Variants in ZNF438 observed in about 807,000 individuals in gnomAD.
The protein encoded by ZNF438 is zinc finger protein 438.
Under a neutral mutation model 38.0 loss-of-function variants are expected in ZNF438, and 25 were observed. The ratio of observed to expected loss-of-function variants is 0.66; its 90% confidence interval spans 0.48 to 0.92. The LOEUF is 0.92. ZNF438 is among the 40% of genes least tolerant of loss of function. ZNF438 has a pLI of 0.00. For missense variants in ZNF438, 1,007 were observed against 999.6 expected (o/e 1.01, Z -0.10); for synonymous variants, 372 against 364.1 (o/e 1.02, Z -0.25).
intron 2 of ZNF438, among the ~76,000 whole-genome samples, chr10:30,924,034 A>T (rs977988376): frequency 6.6e-6 from 1 of 152,238 alleles, no homozygotes; most frequent in Non-Finnish European, 1.5e-5. Flanking sequence ...AATTTCTACA[A>T]AAGTTATTTG....
chr10:30,942,810 A>G (rs1463850218), intron 1 of ZNF438, among the ~76,000 whole-genome samples: 1 of 152,236 alleles, frequency 6.6e-6, no homozygotes, highest in Non-Finnish European at 1.5e-5. Flanking sequence ...CACTAAGTCA[A>G]TAGAACAGTT....
chr10:30,961,844 C>T (rs571911312), intron 1 of ZNF438, among the ~76,000 whole-genome samples: 1 of 142,266 alleles, frequency 7.0e-6, no homozygotes, highest in East Asian at 2.0e-4. Context: ...GCCGAGATTG[C>T]ACCACTGCTC....
At chr10:30,920,786 G>C (rs1015174202) in intron 2 of ZNF438, 1 of 152,164 alleles carries the variant, frequency 6.6e-6, no homozygotes, top group South Asian at 2.1e-4. Flanking sequence ...AGAAATAGCC[G>C]AGTGTAGCCA....
intron 1 of ZNF438, among the ~76,000 whole-genome samples, chr10:31,028,223 C>G (rs938369067): frequency 3.2e-4 from 48 of 152,046 alleles, no homozygotes; most frequent in African/African-American, 1.1e-3. Flanking sequence ...TGGCATGACA[C>G]ACTTAAACCG....
chr10:30,949,020 A>C (rs532146046), intron 1 of ZNF438, among the ~76,000 whole-genome samples: 1,857 of 152,232 alleles, frequency 0.012, 43 homozygotes, highest in African/African-American at 0.041. Flanking sequence ...GTTACCCTCA[A>C]AGGGAAGCCC....
intron 4 of ZNF438, among the ~76,000 whole-genome samples, chr10:30,857,502 G>A (rs913430825): frequency 5.3e-5 from 8 of 152,160 alleles, no homozygotes; most frequent in African/African-American, 9.6e-5. Flanking sequence ...TGATCCACCC[G>A]CCTTGGCCTC....
intron 1 of ZNF438, among the ~76,000 whole-genome samples, chr10:30,953,639 T>TAAA (rs745937767): frequency 1.7e-5 from 2 of 118,308 alleles, no homozygotes; most frequent in African/African-American, 3.3e-5. Context: ...AATATAATAA[T>TAAA]AAAAAAAAAA....
intron 1 of ZNF438, among the ~76,000 whole-genome samples, chr10:30,983,150 G>C (rs969225185): frequency 5.9e-5 from 9 of 152,132 alleles, no homozygotes; most frequent in African/African-American, 1.9e-4. Flanking sequence ...TTACACAAAA[G>C]GACCAAAGAA....
At chr10:31,030,678 C>A (rs1302256817) in intron 1 of ZNF438, among the ~76,000 whole-genome samples, 1 of 152,222 alleles carries the variant, frequency 6.6e-6, no homozygotes, top group African/African-American at 2.4e-5. Context: ...AAAGATATCA[C>A]ACTCCTGAAA....
chr10:30,975,061 G>GA lies in ZNF438; in HGVS notation c.-191-33411dup, dbSNP rs1056405630. ...AGCTACATAATCATCCACTAAAAAA[G>GA]AAAAAAAAATTAAAGAGAAGCCTTC... On this transcript the variant is annotated intron_variant, in intron 1 of 5. Coordinates refer to ENST00000413025, the Ensembl canonical transcript of ZNF438. Among the ~76,000 whole-genome samples, 8 of 150,620 alleles carry GA rather than the reference G, an allele frequency of 5.3e-5. No homozygotes were observed. In the East Asian group the frequency reaches 5.8e-4, roughly 11 times the overall value.
At chr10:30,862,397 G>A (rs541807908) in intron 4 of ZNF438, among the ~76,000 whole-genome samples, 1 of 152,184 alleles carries the variant, frequency 6.6e-6, no homozygotes, top group South Asian at 2.1e-4. Context: ...CAAACTCCTG[G>A]GTTCAAGTGA....
intron 1 of ZNF438, among the ~76,000 whole-genome samples, chr10:30,946,595 T>C (rs902814931): frequency 6.6e-6 from 1 of 152,250 alleles, no homozygotes; most frequent in South Asian, 2.1e-4. Flanking sequence ...CATGACTCTT[T>C]TACTTTTAAC....
chr10:30,976,848 A>G (rs924737239), intron 1 of ZNF438, among the ~76,000 whole-genome samples: 7 of 152,178 alleles, frequency 4.6e-5, no homozygotes, highest in Non-Finnish European at 1.0e-4. Context: ...CAAAATAAAA[A>G]CTTATAGAAC....
At chr10:30,922,264 T>C (rs2044385092) in intron 2 of ZNF438, among the ~76,000 whole-genome samples, 1 of 152,206 alleles carries the variant, frequency 6.6e-6, no homozygotes, top group African/African-American at 2.4e-5. Flanking sequence ...AGGCAACACA[T>C]GGTAAGGCTC....
intron 1 of ZNF438, among the ~76,000 whole-genome samples, chr10:30,961,893 A>C (rs2049533286): frequency 8.9e-6 from 1 of 112,678 alleles, no homozygotes; most frequent in Non-Finnish European, 2.0e-5. Flanking sequence ...ATCCCAAAAG[A>C]AAAAAAAAAA....
chr10:30,872,627 G>A (rs1455585540), intron 4 of ZNF438, among the ~76,000 whole-genome samples: 1 of 150,456 alleles, frequency 6.6e-6, no homozygotes, highest in African/African-American at 2.4e-5. Context: ...GCAGGCACCT[G>A]TAGTCCCAGC....
At chr10:30,947,747 G>T (rs905668510) in intron 1 of ZNF438, among the ~76,000 whole-genome samples, 1 of 152,156 alleles carries the variant, frequency 6.6e-6, no homozygotes, top group Non-Finnish European at 1.5e-5. Flanking sequence ...TTTTAAGCCC[G>T]TCGGAAAAGC....
intron 3 of ZNF438, among the ~76,000 whole-genome samples, chr10:30,890,541 G>A: frequency 6.6e-6 from 1 of 152,036 alleles, no homozygotes; most frequent in East Asian, 1.9e-4. Flanking sequence ...TTGCTCTATG[G>A]GCACCTTTAC....
Position 30,953,095 on chromosome 10 carries a change from C to A in ZNF438, c.-191-11444G>T, listed in dbSNP as rs1251152603. Among the ~76,000 whole-genome samples the A allele has an allele frequency of 2.0e-3, 280 of 138,990 alleles. 3 individuals carry two copies. Among genetic ancestry groups the A allele is most frequent in the Non-Finnish European group, 1.9e-3 (126 of 64,694 alleles). The allele number at this position is 138,990 out of a possible 152,430, so 91.2% of individuals were successfully genotyped here. A position where few individuals can be genotyped will look rare whatever the true frequency, so the allele number is the denominator to read the frequency against. ...CCATAAAAAATGATGAGTTCACGTC[C>A]TTTGTAGGGACATGGATGAAATTGG... On this transcript the variant is annotated intron_variant, in intron 1 of 5. Coordinates refer to ENST00000413025, the Ensembl canonical transcript of ZNF438.
Sources: gnomAD v4.1 joint callset for allele counts (sites outside exome capture counted in the v4.1 genomes callset) on GRCh38, gnomAD v4.1.1 for gene constraint, MANE v1.5 for transcripts, NCBI Gene and HGNC (gene_info 2026-07-23, HGNC 2026-07-21) for gene names.